The following TTC7A variants were observed in gnomAD, a reference collection of about 807,000 sequenced individuals.
TTC7A encodes the protein tetratricopeptide repeat domain 7A.
A neutral mutation model predicts 103.7 loss-of-function variants in TTC7A; 110 were observed. The ratio of observed to expected loss-of-function variants is 1.06; its 90% CI spans 0.91 to 1.24. The LOEUF (loss-of-function observed/expected upper bound fraction) is 1.24, where lower values mean the gene tolerates loss of function less well. Ranked by LOEUF, TTC7A falls within the 50% of genes most tolerant of loss-of-function variation. The pLI is 0.00. For missense variants in TTC7A, 1,340 were observed against 1,116.3 expected (o/e 1.20, Z -2.86); for synonymous variants, 521 against 467.9 (o/e 1.11, Z -1.47).
chr2:47,050,781 G>A (rs1185556119), intron 17 of TTC7A: 2 of 152,316 alleles, frequency 1.3e-5, no homozygotes, highest in East Asian at 3.9e-4. Context: ...TCCCAGGAGG[G>A]AATGGTTAAG....
chr2:46,994,135 T>G (rs1675908620), intron 6 of TTC7A: 1 of 542,942 alleles, frequency 1.8e-6, no homozygotes, highest in East Asian at 3.1e-5. Context: ...AGAGAAAAGA[T>G]GAGGTAGGAG....
intron 16 of TTC7A, among the ~76,000 whole-genome samples, chr2:47,048,140 G>C (rs1182822210): frequency 6.6e-6 from 1 of 152,176 alleles, no homozygotes; most frequent in Admixed American, 6.5e-5. Context: ...GCCCTGTCCA[G>C]ATGCCCCTCC....
intron 3 of TTC7A, among the ~76,000 whole-genome samples, chr2:46,968,248 C>T (rs534475054): frequency 1.3e-5 from 2 of 152,314 alleles, no homozygotes; most frequent in Admixed American, 6.5e-5. Context: ...TTGCAAGGGA[C>T]CTTTCCTAGA....
At chr2:46,955,120 T>A (rs1671733612) in intron 2 of TTC7A, among the ~76,000 whole-genome samples, 1 of 152,194 alleles carries the variant, frequency 6.6e-6, no homozygotes, top group South Asian at 2.1e-4. Context: ...AGTTCAAAGC[T>A]CTTTTCTGGA....
At chr2:47,032,859 CAAAAAAAAA>C (rs10586448) in intron 15 of TTC7A, among the ~76,000 whole-genome samples, 5 of 87,938 alleles carry the variant, frequency 5.7e-5, no homozygotes, top group Admixed American at 2.5e-4. Context: ...TTGTTTTAAG[CAAAAAAAAA>C]AAAAAAAAAA....
At chr2:47,042,561 C>G (rs914724003) in intron 15 of TTC7A, among the ~76,000 whole-genome samples, 13 of 152,150 alleles carry the variant, frequency 8.5e-5, no homozygotes, top group Admixed American at 2.6e-4. Context: ...TACTCTGTGT[C>G]TGCAGTTTCT....
At chr2:46,954,738 A>G (rs1469614664) in intron 2 of TTC7A, among the ~76,000 whole-genome samples, 1 of 151,818 alleles carries the variant, frequency 6.6e-6, no homozygotes, top group East Asian at 1.9e-4. Context: ...CGCCCGGATA[A>G]TTTTTGTATT....
At chr2:47,069,295 G>T (rs868691714) in intron 19 of TTC7A, among the ~76,000 whole-genome samples, 1 of 152,296 alleles carries the variant, frequency 6.6e-6, no homozygotes. Context: ...GCCCCTGGCC[G>T]CTGGTCCCTG....
chr2:47,040,301 G>A (rs1256000811), intron 15 of TTC7A: 7 of 152,322 alleles, frequency 4.6e-5, no homozygotes, highest in Non-Finnish European at 8.8e-5. Flanking sequence ...CCCCAGGAGT[G>A]TGACCAAGCG....
At chr2:47,061,764 C>A (rs1421680390) in intron 19 of TTC7A, among the ~76,000 whole-genome samples, 1 of 152,206 alleles carries the variant, frequency 6.6e-6, no homozygotes, top group East Asian at 1.9e-4. Flanking sequence ...ATATACTAGA[C>A]CCTATAGATT....
chr2:46,963,287 T>TA (rs1672549624), intron 3 of TTC7A, among the ~76,000 whole-genome samples: 2 of 152,278 alleles, frequency 1.3e-5, no homozygotes, highest in East Asian at 3.8e-4. Flanking sequence ...GACAAAGCTT[T>TA]CTTATTCGGA....
chr2:46,972,210 T>G (rs76874899), intron 3 of TTC7A, among the ~76,000 whole-genome samples: 1 of 152,032 alleles, frequency 6.6e-6, no homozygotes, highest in African/African-American at 2.4e-5. Context: ...AAAAAAAAAG[T>G]AACCTGACGC....
At chr2:46,956,720 C>T (rs1023885918) in intron 2 of TTC7A, 119 bp from the exon 3 acceptor site, 1 of 1,038,080 alleles carries the variant, frequency 9.6e-7, no homozygotes, top group Non-Finnish European at 1.5e-6. Flanking sequence ...AGAAGGCTTT[C>T]TGGAGGAGGA....
Position 46,993,446 on chromosome 2 carries a change from C to T in TTC7A, c.765-4C>T, listed in dbSNP as rs1675829457. ...CAAATCTACTTCTGCCGTCCTCCCA[C>T]CAGGAACATCGTGAAGGGCATGAGA... On this transcript the variant is annotated splice_region_variant and splice_polypyrimidine_tract_variant and intron_variant, in intron 5 of 19. Transcript: ENST00000319190. The T allele has an allele frequency of 6.2e-7, 1 of 1,614,050 alleles. No homozygotes were observed. Among genetic ancestry groups the T allele is most frequent in the Non-Finnish European group, 8.5e-7 (1 of 1,179,996 alleles).
At chr2:46,941,045 G>C (rs555775679), upstream of TTC7A, 2 of 151,914 alleles carry the variant, frequency 1.3e-5, no homozygotes, top group South Asian at 3.6e-4. The surrounding 1 kb of genome is among the most constrained non-coding windows in gnomAD (Gnocchi z 4.2). Context: ...CGCGGCGGGG[G>C]CGGCGGCGGG....
chr2:46,919,817 C>G (rs1669005074), intron 2 of TTC7A, among the ~76,000 whole-genome samples: 1 of 152,240 alleles, frequency 6.6e-6, no homozygotes, highest in Non-Finnish European at 1.5e-5. Flanking sequence ...ACCAAAGAAA[C>G]TGCAGTTTCT....
At chr2:46,989,401 A>G (rs2104354196) in intron 5 of TTC7A, among the ~76,000 whole-genome samples, 1 of 152,352 alleles carries the variant, frequency 6.6e-6, no homozygotes, top group East Asian at 1.9e-4. Flanking sequence ...GCAGCCAGCA[A>G]TGGCTCGGAA....
intron 2 of TTC7A, among the ~76,000 whole-genome samples, chr2:46,954,337 T>C (rs1397332495): frequency 6.6e-6 from 1 of 152,156 alleles, no homozygotes; most frequent in Non-Finnish European, 1.5e-5. Context: ...ACCCTCCCAC[T>C]GGGCAAGGGG....
At chr2:47,028,423 G>A (rs985136931) in intron 14 of TTC7A, among the ~76,000 whole-genome samples, 3 of 152,244 alleles carry the variant, frequency 2.0e-5, no homozygotes, top group African/African-American at 7.2e-5. Flanking sequence ...GCAGTAGAAG[G>A]TGCCCTTCCA....
Sources: gnomAD v4.1 joint callset for allele counts (sites outside exome capture counted in the v4.1 genomes callset) on GRCh38, gnomAD v4.1.1 for gene constraint, Gnocchi (gnomAD v3.1) non-coding constraint, MANE v1.5 for transcripts, NCBI Gene and HGNC (gene_info 2026-07-23, HGNC 2026-07-21) for gene names.